The following TSPAN5 variants were observed in gnomAD, a reference collection of about 807,000 sequenced individuals.
The protein encoded by TSPAN5 is tetraspanin-5.
Under a neutral mutation model 37.1 loss-of-function variants are expected in TSPAN5, and 10 were observed. The ratio of observed to expected loss-of-function variants is 0.27; its 90% CI spans 0.17 to 0.46. The LOEUF (loss-of-function observed/expected upper bound fraction) is 0.46, where lower values mean the gene tolerates loss of function less well. Ranked by LOEUF, TSPAN5 falls within the 20% of genes least tolerant of loss-of-function variation. The pLI, the probability that TSPAN5 is intolerant of heterozygous loss-of-function variation, is 1.00. For synonymous variants in TSPAN5, 110 were observed against 118.9 expected (o/e 0.93, Z 0.48); for missense variants, 195 against 326.6 (o/e 0.60, Z 3.11).
Position 98,558,836 on chromosome 4 carries a change from A to G in TSPAN5, c.82-51108T>C, listed in dbSNP as rs78571388. Among the ~76,000 whole-genome samples the G allele has an allele frequency of 5.0e-3, 766 of 152,286 alleles. 2 individuals are homozygous for G. Among genetic ancestry groups the G allele is most frequent in the African/African-American group, 0.017 (723 of 41,566 alleles). On this transcript the variant is annotated intron_variant, in intron 1 of 7. Coordinates refer to ENST00000305798, the MANE Select transcript of TSPAN5 (RefSeq NM_005723.4). ...AACTGAGGGACAGCAAGATTTTCAG[A>G]TGGTCTTTAGACAACAAATTGAAAA... is the stretch of plus-strand genomic sequence containing the variant.
intron 1 of TSPAN5, among the ~76,000 whole-genome samples, chr4:98,520,381 G>T (rs1480733494): frequency 6.6e-6 from 1 of 152,216 alleles, no homozygotes; most frequent in Admixed American, 6.5e-5. Context: ...ATGACCACCA[G>T]ACACTGGGCA....
chr4:98,604,967 G>A (rs1238192556), intron 1 of TSPAN5, among the ~76,000 whole-genome samples: 1 of 152,058 alleles, frequency 6.6e-6, no homozygotes, highest in East Asian at 1.9e-4. Context: ...CTGCTACCAG[G>A]CACTGTGACT....
intron 1 of TSPAN5, among the ~76,000 whole-genome samples, chr4:98,553,453 A>AT (rs1241476100): frequency 6.6e-6 from 1 of 152,224 alleles, no homozygotes; most frequent in Non-Finnish European, 1.5e-5. Flanking sequence ...TGTCTAGAAC[A>AT]TGTTATCTTG....
chr4:98,620,871 C>A (rs1007110084), intron 1 of TSPAN5, among the ~76,000 whole-genome samples: 1 of 152,184 alleles, frequency 6.6e-6, no homozygotes. Flanking sequence ...TGTCTATATA[C>A]ATTTTTTTAA....
At chr4:98,616,836 T>C in intron 1 of TSPAN5, among the ~76,000 whole-genome samples, 1 of 151,924 alleles carries the variant, frequency 6.6e-6, no homozygotes, top group East Asian at 1.9e-4. Flanking sequence ...TTCCAAATTC[T>C]TGAATACTAG....
At chr4:98,476,993 C>A (rs867494290) in intron 5 of TSPAN5, among the ~76,000 whole-genome samples, 1 of 152,204 alleles carries the variant, frequency 6.6e-6, no homozygotes, top group Non-Finnish European at 1.5e-5. Flanking sequence ...AAACATGGTT[C>A]CACTTTTTCG....
At chr4:98,605,179 A>G (rs1314048299) in intron 1 of TSPAN5, among the ~76,000 whole-genome samples, 1 of 152,192 alleles carries the variant, frequency 6.6e-6, no homozygotes, top group African/African-American at 2.4e-5. Context: ...TATTTTCAGA[A>G]AGTCTGGTGA....
intron 1 of TSPAN5, among the ~76,000 whole-genome samples, chr4:98,526,352 C>T (rs1007746092): frequency 2.6e-5 from 4 of 152,118 alleles, no homozygotes. Context: ...GTAGTCATGG[C>T]GAGAGGCAAC....
intron 1 of TSPAN5, among the ~76,000 whole-genome samples, chr4:98,565,218 C>A (rs1316058277): frequency 2.0e-5 from 3 of 152,142 alleles, no homozygotes; most frequent in African/African-American, 7.2e-5. Flanking sequence ...GTGTTTTTCC[C>A]CCTTGTTCCT....
intron 1 of TSPAN5, among the ~76,000 whole-genome samples, chr4:98,652,898 A>T (rs1757221001): frequency 6.6e-6 from 1 of 152,100 alleles, no homozygotes; most frequent in African/African-American, 2.4e-5. Context: ...ACTTCTCCCC[A>T]CTTGGCTTCA....
In TSPAN5 at chr4:98,518,736, T is replaced by G. The variant is rs113619687; in HGVS notation, c.82-11008A>C. On this transcript the variant is annotated intron_variant, in intron 1 of 7. Transcript: ENST00000305798. ...GCACCAGTGGTAGCACCAGGGAACT[T>G]GTCAGAAATGCAAATTCTGAGGCAG... Among the ~76,000 whole-genome samples, 209 of 152,314 alleles carry G rather than the reference T, an allele frequency of 1.4e-3. 2 individuals are homozygous for G. Among genetic ancestry groups the G allele is most frequent in the African/African-American group, 4.8e-3 (200 of 41,580 alleles).
At chr4:98,645,134 T>G (rs994072006) in intron 1 of TSPAN5, among the ~76,000 whole-genome samples, 5 of 152,202 alleles carry the variant, frequency 3.3e-5, no homozygotes, top group Admixed American at 6.5e-5. Flanking sequence ...TATCTTTTCA[T>G]CCTCTGGTCT....
rs1753673417 is a variant in TSPAN5 at position 98,513,911 on chromosome 4, A to AGTG, written c.82-6184_82-6183insCAC. Among the ~76,000 whole-genome samples the AGTG allele has an allele frequency of 2.8e-5, 4 of 140,470 alleles. No homozygotes were observed. In the South Asian group the frequency reaches 9.2e-4, roughly 32 times the overall value. The allele number at this position is 140,470 out of a possible 152,430, so 92.2% of individuals were successfully genotyped here. Reference sequence around the variant, plus strand: ...ATAGATAGATAGATAGATAGATAGTATATATCAAGTTCCTAGACAATTCTT... The same window carrying AGTG: ...ATAGATAGATAGATAGATAGATAGTAGTGTATATCAAGTTCCTAGACAATTCTT... On this transcript the variant is annotated intron_variant, in intron 1 of 7. Coordinates refer to ENST00000305798, the MANE Select transcript of TSPAN5 (RefSeq NM_005723.4).
At chr4:98,651,308 C>T (rs1051342828) in intron 1 of TSPAN5, among the ~76,000 whole-genome samples, 1 of 152,196 alleles carries the variant, frequency 6.6e-6, no homozygotes, top group Non-Finnish European at 1.5e-5. Flanking sequence ...TCAAAAGTAT[C>T]AAGAGCATGA....
chr4:98,601,486 G>A (rs1025337025), intron 1 of TSPAN5, among the ~76,000 whole-genome samples: 1 of 152,200 alleles, frequency 6.6e-6, no homozygotes, highest in Non-Finnish European at 1.5e-5. Context: ...GAAGATGGCT[G>A]CTTTCCTTAA....
At chr4:98,581,372 T>G (rs1188331113) in intron 1 of TSPAN5, among the ~76,000 whole-genome samples, 1 of 152,102 alleles carries the variant, frequency 6.6e-6, no homozygotes, top group Non-Finnish European at 1.5e-5. Flanking sequence ...CCAACCCAGC[T>G]GTATCACTAC....
intron 1 of TSPAN5, among the ~76,000 whole-genome samples, chr4:98,621,502 G>A (rs1431559782): frequency 6.6e-6 from 1 of 151,574 alleles, no homozygotes; most frequent in Non-Finnish European, 1.5e-5. Context: ...CGAGTAGCTG[G>A]GACTACAGGC....
chr4:98,508,228 C>T (rs1753521975), intron 1 of TSPAN5, among the ~76,000 whole-genome samples: 1 of 152,142 alleles, frequency 6.6e-6, no homozygotes, highest in East Asian at 1.9e-4. Flanking sequence ...AGAATCTTAT[C>T]AATGTAACCC....
At chr4:98,543,328 A>AAATCAT (rs1754400438) in intron 1 of TSPAN5, among the ~76,000 whole-genome samples, 9 of 152,116 alleles carry the variant, frequency 5.9e-5, no homozygotes, top group Admixed American at 3.9e-4. Context: ...GATAATGTGT[A>AAATCAT]AATCATATCT....
Sources: allele counts gnomAD v4.1 joint callset (sites outside exome capture counted in the v4.1 genomes callset), GRCh38; gene constraint gnomAD v4.1.1; transcripts MANE v1.5; gene names NCBI Gene and HGNC (gene_info 2026-07-23, HGNC 2026-07-21).